The following RBFOX2 variants were observed in gnomAD, a reference collection of about 807,000 sequenced individuals.
RBFOX2 encodes the protein RNA binding fox-1 homolog 2, also known as RNA binding protein fox-1 homolog 2.
Under a neutral mutation model 49.1 loss-of-function variants are expected in RBFOX2, and 10 were observed. The ratio of observed to expected loss-of-function variants is 0.20; its 90% CI spans 0.13 to 0.35. The LOEUF is 0.35. Ranked by LOEUF, RBFOX2 falls within the 10% of genes least tolerant of loss-of-function variation. The pLI is 1.00. For missense variants in RBFOX2, 323 were observed against 486.9 expected (o/e 0.66, Z 3.17); for synonymous variants, 183 against 187.4 (o/e 0.98, Z 0.19).
upstream of RBFOX2, among the ~76,000 whole-genome samples, chr22:35,963,966 G>C (rs1023551435): frequency 6.6e-6 from 1 of 152,070 alleles, no homozygotes; most frequent in Non-Finnish European, 1.5e-5. Context: ...GGCTGGTCTC[G>C]AACTCCTGAC....
chr22:36,005,065 G>A (rs1176136901), intron 1 of RBFOX2, among the ~76,000 whole-genome samples: 9 of 152,070 alleles, frequency 5.9e-5, no homozygotes, highest in South Asian at 2.1e-4. Context: ...CAATAAATAC[G>A]TGTTAAATTT....
At chr22:35,774,518 A>G (rs1027846436) in intron 4 of RBFOX2, among the ~76,000 whole-genome samples, 2 of 152,230 alleles carry the variant, frequency 1.3e-5, no homozygotes, top group African/African-American at 4.8e-5. Flanking sequence ...ATAAAGGATT[A>G]GGGAGTAAAA....
intron 11 of RBFOX2, among the ~76,000 whole-genome samples, chr22:35,745,135 T>C (rs1038652783): frequency 3.9e-5 from 6 of 152,232 alleles, no homozygotes; most frequent in Non-Finnish European, 7.3e-5. Flanking sequence ...AGGTCTTACA[T>C]TTTACATTTC....
At chr22:35,862,099 T>C (rs1466837887) in intron 1 of RBFOX2, among the ~76,000 whole-genome samples, 1 of 152,160 alleles carries the variant, frequency 6.6e-6, no homozygotes, top group Non-Finnish European at 1.5e-5. Context: ...AGAAAGCAGA[T>C]AAGCGGTTGC....
At chr22:35,992,910 G>A (rs2058042085) in intron 1 of RBFOX2, 1 of 152,100 alleles carries the variant, frequency 6.6e-6, no homozygotes, top group Non-Finnish European at 1.5e-5. Flanking sequence ...CTACTTGGAG[G>A]CAGAAAACAG....
chr22:35,906,751 G>A lies in RBFOX2; in HGVS notation c.-34+32096C>T, dbSNP rs375047971. ...AATTGCTTGAACCCAGGAAGTGGAG[G>A]CTGCAGTGAGCCAAGATCACGCCAC... On this transcript the variant is annotated intron_variant, in intron 1 of 13. Transcript: ENST00000359369. Among the ~76,000 whole-genome samples the A allele has an allele frequency of 3.9e-5, 6 of 152,188 alleles. No homozygotes were observed. In the East Asian group the frequency reaches 1.2e-3, roughly 29 times the overall value.
At chr22:35,905,713 A>G (rs2049048402) in intron 1 of RBFOX2, among the ~76,000 whole-genome samples, 1 of 152,230 alleles carries the variant, frequency 6.6e-6, no homozygotes, top group African/African-American at 2.4e-5. Context: ...TTATCCATAC[A>G]GTGAAACACT....
At chr22:35,842,564 T>C (rs959648791), upstream of RBFOX2, among the ~76,000 whole-genome samples, 2 of 152,204 alleles carry the variant, frequency 1.3e-5, no homozygotes, top group Non-Finnish European at 2.9e-5. Context: ...ACTAATGGGA[T>C]AACTGTGTTT....
intron 1 of RBFOX2, among the ~76,000 whole-genome samples, chr22:35,930,699 G>A (rs1037454324): frequency 2.6e-5 from 4 of 151,974 alleles, no homozygotes; most frequent in African/African-American, 9.7e-5. Flanking sequence ...GTTTGGTGGT[G>A]TGCGCCTGTA....
intron 1 of RBFOX2, among the ~76,000 whole-genome samples, chr22:35,856,611 T>C (rs1455476808): frequency 6.7e-6 from 1 of 149,064 alleles, no homozygotes; most frequent in East Asian, 1.9e-4. Context: ...GATAGGTCAG[T>C]TCTAGAGGCC....
intron 1 of RBFOX2, among the ~76,000 whole-genome samples, chr22:35,919,144 T>C (rs1175521690): frequency 6.6e-6 from 1 of 152,128 alleles, no homozygotes; most frequent in African/African-American, 2.4e-5. Flanking sequence ...TTCTATTGAG[T>C]CTATTTATAT....
chr22:35,773,505 G>A (rs1219862634), intron 4 of RBFOX2, among the ~76,000 whole-genome samples: 1 of 151,908 alleles, frequency 6.6e-6, no homozygotes, highest in Non-Finnish European at 1.5e-5. Context: ...TTGATTATAT[G>A]AATGTATCAG....
At chr22:35,855,351 A>G (rs2042391448) in intron 1 of RBFOX2, among the ~76,000 whole-genome samples, 1 of 152,172 alleles carries the variant, frequency 6.6e-6, no homozygotes, top group Non-Finnish European at 1.5e-5. Context: ...ATGAATTCAG[A>G]AAATAGTCCT....
At chr22:36,028,244 A>T in exon 1 of RBFOX2, 1 of 1,522,594 alleles carries the variant, frequency 6.6e-7, no homozygotes, top group Non-Finnish European at 8.7e-7. Context: ...GGTCACCTGC[A>T]TCCCGCCGCC....
At chr22:35,946,117 T>C (rs1266703100) in intron 1 of RBFOX2, among the ~76,000 whole-genome samples, 2 of 152,150 alleles carry the variant, frequency 1.3e-5, no homozygotes, top group African/African-American at 4.8e-5. Flanking sequence ...TCTTCAATAG[T>C]GGTCGCAGGT....
intron 1 of RBFOX2, among the ~76,000 whole-genome samples, chr22:35,863,082 A>G (rs531150296): frequency 6.6e-6 from 1 of 152,252 alleles, no homozygotes; most frequent in African/African-American, 2.4e-5. Context: ...GGAGGAGAAA[A>G]GTCAGCTGGG....
intron 4 of RBFOX2, among the ~76,000 whole-genome samples, chr22:35,775,403 C>A (rs1943628122): frequency 6.6e-6 from 1 of 152,198 alleles, no homozygotes; most frequent in Non-Finnish European, 1.5e-5. Context: ...CACCCTTTAG[C>A]AGCCCAAAGA....
chr22:35,859,799 G>A (rs914543484), intron 1 of RBFOX2, among the ~76,000 whole-genome samples: 9 of 152,172 alleles, frequency 5.9e-5, no homozygotes, highest in African/African-American at 2.2e-4. Context: ...CTGACCTCAA[G>A]TGATCTACCC....
At chr22:35,847,426 T>C (rs1376238825) in intron 1 of RBFOX2, among the ~76,000 whole-genome samples, 1 of 152,200 alleles carries the variant, frequency 6.6e-6, no homozygotes, top group Non-Finnish European at 1.5e-5. Context: ...AACGTCCAAC[T>C]GTATAATGCA....
Sources: allele counts gnomAD v4.1 joint callset (sites outside exome capture counted in the v4.1 genomes callset), GRCh38; gene constraint gnomAD v4.1.1; transcripts MANE v1.5; gene names NCBI Gene and HGNC (gene_info 2026-07-23, HGNC 2026-07-21).